The following PNPLA1 variants were observed in gnomAD, a reference collection of about 807,000 sequenced individuals.
PNPLA1 encodes omega-hydroxyceramide transacylase.
In PNPLA1, 36 loss-of-function variants were observed where a neutral mutation model predicts 51.7. The observed-to-expected ratio is 0.70, with a 90% CI of 0.53 to 0.92. The LOEUF is 0.92. Ranked by LOEUF, PNPLA1 falls within the 40% of genes least tolerant of loss-of-function variation. The pLI, the probability that PNPLA1 is intolerant of heterozygous loss-of-function variation, is 0.00. For synonymous variants in PNPLA1, 293 were observed against 280.1 expected, an observed-to-expected ratio of 1.05 and a Z score of -0.46; for missense variants, 658 against 682.5, an observed-to-expected ratio of 0.96 and a Z score of 0.40.
intron 7 of PNPLA1, 152 bp downstream of exon 7, chr6:36,306,528 A>G (rs952442073): frequency 5.9e-6 from 4 of 683,336 alleles, no homozygotes; most frequent in Non-Finnish European, 9.8e-6. Flanking sequence ...ACCCCTTTAC[A>G]TCTCACAAAG....
In PNPLA1 at chr6:36,294,983, T is replaced by A. The variant is rs2285129; in HGVS notation, c.715-381T>A. On this transcript the variant is annotated intron_variant, in intron 4 of 8. Coordinates refer to ENST00000636260, the MANE Select transcript of PNPLA1 (RefSeq NM_001374623.1). The surrounding 1 kb of genome is among the most constrained non-coding windows in gnomAD (Gnocchi z 4.2). ...TGTCCCCATTTTATAGATGAAGAAA[T>A]TGAGGCTGTGAGAGGGGACAGCAAC... Among the ~76,000 whole-genome samples, 22,091 of 152,134 alleles carry A rather than the reference T, an allele frequency of 0.15. 1,960 individuals are homozygous for A. Among genetic ancestry groups the A allele is most frequent in the East Asian group, 0.3 (1,535 of 5,178 alleles).
At chr6:36,285,392 C>T (rs1286460618) in intron 1 of PNPLA1, among the ~76,000 whole-genome samples, 1 of 152,222 alleles carries the variant, frequency 6.6e-6, no homozygotes, top group Non-Finnish European at 1.5e-5. Flanking sequence ...CAGTCCCATC[C>T]TCTGTGGCAG....
intron 1 of PNPLA1, among the ~76,000 whole-genome samples, chr6:36,263,945 T>G (rs932236129): frequency 6.6e-6 from 1 of 152,324 alleles, no homozygotes; most frequent in Admixed American, 6.5e-5. Context: ...GCTGCTTCCC[T>G]GCCCCTAAGC....
chr6:36,245,590 C>A (rs996132540), intron 1 of PNPLA1, among the ~76,000 whole-genome samples: 2 of 152,196 alleles, frequency 1.3e-5, no homozygotes, highest in African/African-American at 4.8e-5. Flanking sequence ...CCAGGCACTG[C>A]TGCAGGGAGG....
At chr6:36,300,846 A>T (rs1424437172) in intron 5 of PNPLA1, among the ~76,000 whole-genome samples, 1 of 152,226 alleles carries the variant, frequency 6.6e-6, no homozygotes, top group African/African-American at 2.4e-5. Context: ...AAGCATCTAC[A>T]TAAATTACTA....
At chr6:36,249,145 T>G (rs1213619849) in intron 1 of PNPLA1, among the ~76,000 whole-genome samples, 2 of 152,170 alleles carry the variant, frequency 1.3e-5, no homozygotes, top group Non-Finnish European at 2.9e-5. Context: ...TCCCAAGGCT[T>G]GTGTTACACA....
At chr6:36,307,820 A>C (rs1191548552) in intron 8 of PNPLA1, 108 bp downstream of exon 8, 1 of 1,391,786 alleles carries the variant, frequency 7.2e-7, no homozygotes, top group East Asian at 2.7e-5. Flanking sequence ...TAGGGGGTGC[A>C]GTGGGAGATT....
chr6:36,294,492 G>A lies in PNPLA1; in HGVS notation c.714+93G>A. ...ACTGGGGCCCACTCAAGTTCCATCT[G>A]AGTCTCCTCCCCTCAAATGGTCCTT... is the stretch of plus-strand genomic sequence containing the variant. On this transcript the variant is annotated intron_variant, in intron 4 of 8. Transcript: ENST00000636260. The surrounding 1 kb of genome is among the most constrained non-coding windows in gnomAD (Gnocchi z 4.2). The A allele has an allele frequency of 8.3e-7, 1 of 1,202,098 alleles. No individual in the cohort carries two copies. The highest frequency in any genetic ancestry group is 1.5e-5 in the African/African-American group (1 of 66,688). The allele number at this position is 1,202,098 out of a possible 1,614,324, so 74.5% of individuals were successfully genotyped here.
rs1196248445 is a variant in PNPLA1 at position 36,291,495 on chromosome 6, A to AACGG, written c.386_389dup (p.Glu131ArgfsTer17). On this transcript the variant is annotated frameshift_variant, in exon 2 of 9. Transcript: ENST00000636260. LOFTEE classifies it high-confidence loss of function. ...AGCTCCATGTGAGCCTCACCCGCTT[A>AACGG]ACGGACGGGGAGAATGTGGTGGTTT... The AACGG allele has an allele frequency of 6.3e-7, 1 of 1,581,446 alleles. No individual in the cohort carries two copies. Among genetic ancestry groups the AACGG allele is most frequent in the Non-Finnish European group, 8.6e-7 (1 of 1,159,946 alleles).
chr6:36,299,291 C>G (rs1275843736), intron 5 of PNPLA1, among the ~76,000 whole-genome samples: 1 of 151,884 alleles, frequency 6.6e-6, no homozygotes, highest in Non-Finnish European at 1.5e-5. Context: ...GATGAGCGTT[C>G]CCATTCCTCC....
rs527325076 is a variant in PNPLA1, at chr6:36,276,931, A to T, written c.205+6267A>T. On this transcript the variant is annotated intron_variant, in intron 1 of 8. Coordinates refer to ENST00000636260, the MANE Select transcript of PNPLA1 (RefSeq NM_001374623.1). ...ACCTACCAAACAGTTATAATACAAG[A>T]AAGTTCCTATTGAATGTTAGAGAAT... 1.2e-3 allele frequency among the ~76,000 whole-genome samples: 177 copies of T among 152,358 alleles called. 2 individuals are homozygous for T. Among genetic ancestry groups the T allele is most frequent in the African/African-American group, 1.1e-3 (46 of 41,584 alleles).
At chr6:36,283,766 C>T (rs1011942503) in intron 1 of PNPLA1, among the ~76,000 whole-genome samples, 1 of 152,236 alleles carries the variant, frequency 6.6e-6, no homozygotes, top group African/African-American at 2.4e-5. Context: ...TTTGCCTCAT[C>T]AGACCTCAAG....
chr6:36,272,786 G>T (rs554678336), intron 1 of PNPLA1, among the ~76,000 whole-genome samples: 5 of 152,328 alleles, frequency 3.3e-5, no homozygotes, highest in African/African-American at 1.2e-4. Context: ...TGCCTTCCTG[G>T]CTGGGGACCT....
At chr6:36,300,178 T>TGTGTGTGTGTGAGAGAGAGAGA in intron 5 of PNPLA1, among the ~76,000 whole-genome samples, 2 of 98,086 alleles carry the variant, frequency 2.0e-5, no homozygotes, top group African/African-American at 3.3e-5. Flanking sequence ...TGTGTGTGTG[T>TGTGTGTGTGTGAGAGAGAGAGA]GAGAGAGAGA....
intron 1 of PNPLA1, among the ~76,000 whole-genome samples, chr6:36,253,264 G>T (rs1224006230): frequency 2.0e-5 from 3 of 152,128 alleles, no homozygotes; most frequent in Non-Finnish European, 4.4e-5. Flanking sequence ...TTAAAATATG[G>T]CTACTCAACA....
chr6:36,291,275 C>T (rs1199393159), intron 1 of PNPLA1, 45 bp from the exon 2 acceptor site: 2 of 1,527,708 alleles, frequency 1.3e-6, no homozygotes. Flanking sequence ...GGCCCCTGGC[C>T]ACTGGGTGGC....
intron 1 of PNPLA1, among the ~76,000 whole-genome samples, chr6:36,252,631 G>A (rs1582026112): frequency 6.6e-6 from 1 of 152,204 alleles, no homozygotes; most frequent in African/African-American, 2.4e-5. Context: ...CCACAAGACA[G>A]TCTATCTGAG....
chr6:36,273,346 C>G (rs1467042054), intron 1 of PNPLA1, among the ~76,000 whole-genome samples: 1 of 152,068 alleles, frequency 6.6e-6, no homozygotes, highest in Admixed American at 6.6e-5. Context: ...CTCCTCTAGC[C>G]AGTGTTAAGG....
intron 1 of PNPLA1, among the ~76,000 whole-genome samples, chr6:36,253,193 A>T (rs1440843631): frequency 6.6e-6 from 1 of 152,124 alleles, no homozygotes; most frequent in African/African-American, 2.4e-5. Flanking sequence ...AAACAAATAA[A>T]TAAAGGCAAT....
Sources: allele counts gnomAD v4.1 joint callset (sites outside exome capture counted in the v4.1 genomes callset), GRCh38; gene constraint gnomAD v4.1.1; non-coding constraint Gnocchi (gnomAD v3.1); transcripts MANE v1.5; gene names NCBI Gene and HGNC (gene_info 2026-07-23, HGNC 2026-07-21).